The following SAMD5 variants were observed in gnomAD, a reference collection of about 807,000 sequenced individuals.
SAMD5 encodes the protein sterile alpha motif domain-containing protein 5.
A neutral mutation model predicts 11.3 loss-of-function variants in SAMD5; 13 were observed. The ratio of observed to expected loss-of-function variants is 1.15; its 90% CI spans 0.75 to 1.83. The LOEUF (loss-of-function observed/expected upper bound fraction) is 1.83, where lower values mean the gene tolerates loss of function less well. Ranked by LOEUF, SAMD5 falls within the 40% of genes most tolerant of loss-of-function variation. The pLI is 0.00. For missense variants in SAMD5, 255 were observed against 239.1 expected, an observed-to-expected ratio of 1.07 and a Z score of -0.44; for synonymous variants, 129 against 111.3, an observed-to-expected ratio of 1.16 and a Z score of -1.00.
intron 1 of SAMD5, among the ~76,000 whole-genome samples, chr6:147,590,543 G>C (rs901335142): frequency 6.6e-6 from 1 of 152,156 alleles, no homozygotes; most frequent in Non-Finnish European, 1.5e-5. Flanking sequence ...CTCCTGAGTA[G>C]CTGGGATTAC....
chr6:147,650,624 T>C (rs1790470213), intron 1 of SAMD5, among the ~76,000 whole-genome samples: 1 of 152,140 alleles, frequency 6.6e-6, no homozygotes, highest in East Asian at 1.9e-4. Flanking sequence ...GTGGAAAAGA[T>C]TGAGGTGTAT....
chr6:147,733,077 A>G lies in SAMD5; in HGVS notation c.163-4240A>G, dbSNP rs538653898. On this transcript the variant is annotated intron_variant, in intron 1 of 1. Coordinates refer to the SAMD5 transcript ENST00000566741. ...TAGTTAGGTCTATCAGGCTGCCTAC[A>G]TTTTGACATTTCTAGCTTTTATTTC... Among the ~76,000 whole-genome samples, 3 of 152,338 alleles carry G rather than the reference A, an allele frequency of 2.0e-5. No homozygotes were observed. In the East Asian group the frequency reaches 5.8e-4, roughly 29 times the overall value.
the SAMD5 span, among the ~76,000 whole-genome samples, chr6:147,885,606 C>A: frequency 2.0e-5 from 3 of 151,926 alleles, no homozygotes; most frequent in African/African-American, 7.3e-5. Flanking sequence ...AATTTAGAAG[C>A]AAGCAGGATT....
chr6:147,611,171 C>G (rs1187268990), intron 1 of SAMD5, among the ~76,000 whole-genome samples: 1 of 152,134 alleles, frequency 6.6e-6, no homozygotes, highest in Non-Finnish European at 1.5e-5. Context: ...TGCACCCAGC[C>G]AAGGCCAGAG....
chr6:147,583,589 A>G (rs966403725), intron 1 of SAMD5, among the ~76,000 whole-genome samples: 17 of 152,328 alleles, frequency 1.1e-4, no homozygotes, highest in Admixed American at 3.9e-4. Flanking sequence ...CCAGCATATT[A>G]AATTACATAG....
chr6:147,640,171 C>T (rs1191547388), intron 1 of SAMD5, among the ~76,000 whole-genome samples: 2 of 151,688 alleles, frequency 1.3e-5, no homozygotes, highest in Non-Finnish European at 2.9e-5. Context: ...ACTAAAAATA[C>T]AAAAATTAGC....
the SAMD5 span, among the ~76,000 whole-genome samples, chr6:147,930,495 G>T: frequency 6.6e-6 from 1 of 152,100 alleles, no homozygotes; most frequent in Admixed American, 6.6e-5. Flanking sequence ...TATAAAGAAA[G>T]GGAATTTATT....
the SAMD5 span, among the ~76,000 whole-genome samples, chr6:147,883,950 T>G: frequency 6.6e-6 from 1 of 152,198 alleles, no homozygotes; most frequent in Non-Finnish European, 1.5e-5. Flanking sequence ...GAATTCAAAT[T>G]TATATAAACC....
the SAMD5 span, among the ~76,000 whole-genome samples, chr6:147,932,965 T>A: frequency 6.6e-6 from 1 of 152,202 alleles, no homozygotes; most frequent in African/African-American, 2.4e-5. Flanking sequence ...GATTCATCAA[T>A]TTTTTCATCT....
At chr6:147,665,907 C>T (rs545339345) in intron 1 of SAMD5, among the ~76,000 whole-genome samples, 82 of 152,138 alleles carry the variant, frequency 5.4e-4, no homozygotes, top group South Asian at 2.7e-3. Context: ...TTTTTTTCCC[C>T]ATTTAAGAAG....
chr6:147,884,593 G>T, the SAMD5 span, among the ~76,000 whole-genome samples: 2 of 152,164 alleles, frequency 1.3e-5, no homozygotes, highest in East Asian at 3.9e-4. Flanking sequence ...ATGTTGCAAT[G>T]AATTAATCAC....
chr6:147,799,309 A>G, the SAMD5 span, among the ~76,000 whole-genome samples: 25 of 151,856 alleles, frequency 1.6e-4, no homozygotes, highest in South Asian at 2.1e-3. Flanking sequence ...AAAGTATTTT[A>G]TTTCTCCTTC....
chr6:147,703,437 C>A (rs746351677), intron 1 of SAMD5, among the ~76,000 whole-genome samples: 1 of 152,148 alleles, frequency 6.6e-6, no homozygotes, highest in Non-Finnish European at 1.5e-5. Flanking sequence ...CATTTGGTCC[C>A]TATTGTTTGC....
the SAMD5 span, among the ~76,000 whole-genome samples, chr6:147,843,185 CATATG>C: frequency 1.3e-5 from 2 of 152,246 alleles, no homozygotes; most frequent in East Asian, 1.9e-4. Context: ...ATTTTTAAAA[CATATG>C]ATAACTGTAT....
At chr6:147,921,274 AACACAC>A in the SAMD5 span, among the ~76,000 whole-genome samples, 3,323 of 141,048 alleles carry the variant, frequency 0.024, 132 homozygotes, top group African/African-American at 0.082. Context: ...GAGAGTATAA[AACACAC>A]ACACACACAC....
downstream of SAMD5, among the ~76,000 whole-genome samples, chr6:147,739,459 G>C (rs9497856): frequency 1.3e-5 from 2 of 152,062 alleles, no homozygotes; most frequent in South Asian, 2.1e-4. Flanking sequence ...TTAGCCAGGC[G>C]TAGTGGCATG....
chr6:147,737,405 G>C (rs1355401215), exon 2 of SAMD5: 1 of 1,106,026 alleles, frequency 9.0e-7, no homozygotes, highest in African/African-American at 1.6e-5. Context: ...CGCTATTACA[G>C]GATGACTATA....
the SAMD5 span, among the ~76,000 whole-genome samples, chr6:147,816,301 A>AAAAAAAATATATATAT: frequency 2.0e-4 from 13 of 66,338 alleles, no homozygotes; most frequent in East Asian, 4.5e-4. Flanking sequence ...AAAAAAAAAA[A>AAAAAAAATATATATAT]ATATATATAT....
chr6:147,570,757 A>T (rs185148961), downstream of SAMD5, among the ~76,000 whole-genome samples: 1 of 152,344 alleles, frequency 6.6e-6, no homozygotes, highest in Admixed American at 6.5e-5. Context: ...TATTAGGAGA[A>T]ATATGTACAA....
Sources: gnomAD v4.1 joint callset for allele counts (sites outside exome capture counted in the v4.1 genomes callset) on GRCh38, gnomAD v4.1.1 for gene constraint, MANE v1.5 for transcripts, NCBI Gene and HGNC (gene_info 2026-07-23, HGNC 2026-07-21) for gene names.